RFX3: variants seen among roughly 807,000 people sequenced by gnomAD.
RFX3 encodes regulatory factor X3.
In RFX3, 14 loss-of-function variants were observed where a neutral mutation model predicts 98.6. That is an observed-to-expected ratio of 0.14 (90% CI 0.09 to 0.22). RFX3 has a LOEUF of 0.22. Ranked by LOEUF, RFX3 falls within the 10% of genes least tolerant of loss-of-function variation. The pLI is 1.00. For synonymous variants in RFX3, 383 were observed against 328.4 expected, an observed-to-expected ratio of 1.17 and a Z score of -1.80; for missense variants, 639 against 926.9, an observed-to-expected ratio of 0.69 and a Z score of 4.03.
chr9:3,247,658 A>G (rs1205226277), intron 15 of RFX3: 2 of 1,418,074 alleles, frequency 1.4e-6, no homozygotes, highest in Non-Finnish European at 1.8e-6. Context: ...AGAGTCTACA[A>G]AATACATATT....
At chr9:3,227,897 C>A (rs1016176069) in intron 16 of RFX3, among the ~76,000 whole-genome samples, 2 of 152,244 alleles carry the variant, frequency 1.3e-5, no homozygotes, top group East Asian at 1.9e-4. Flanking sequence ...TGGCGAATAG[C>A]GCCGAACCTC....
chr9:3,228,296 T>G (rs1167108183), intron 16 of RFX3, among the ~76,000 whole-genome samples: 1 of 152,200 alleles, frequency 6.6e-6, no homozygotes, highest in Non-Finnish European at 1.5e-5. Flanking sequence ...CAGAAATATA[T>G]ATCATGTTAT....
chr9:3,261,952 GC>G (rs1193322936), intron 13 of RFX3, among the ~76,000 whole-genome samples: 2 of 151,950 alleles, frequency 1.3e-5, no homozygotes, highest in Non-Finnish European at 2.9e-5. Flanking sequence ...TGTTTTCTTT[GC>G]GGAAATGTCT....
intron 16 of RFX3, among the ~76,000 whole-genome samples, chr9:3,225,633 G>C (rs1817677356): frequency 6.6e-6 from 1 of 152,050 alleles, no homozygotes; most frequent in Non-Finnish European, 1.5e-5. Flanking sequence ...TGTTATGCTG[G>C]CTTTTGGGGA....
intron 1 of RFX3, among the ~76,000 whole-genome samples, chr9:3,510,048 G>C (rs1168447646): frequency 6.6e-6 from 1 of 151,890 alleles, no homozygotes; most frequent in Admixed American, 6.6e-5. Context: ...CTGTATATTT[G>C]GGCCATTTGG....
At chr9:3,356,425 G>C (rs950740932) in intron 2 of RFX3, among the ~76,000 whole-genome samples, 3 of 151,748 alleles carry the variant, frequency 2.0e-5, no homozygotes, top group African/African-American at 7.2e-5. Flanking sequence ...GTTTATAAAA[G>C]GCCTAAATGA....
chr9:3,434,285 C>T (rs758059798), intron 1 of RFX3, among the ~76,000 whole-genome samples: 4 of 152,208 alleles, frequency 2.6e-5, no homozygotes, highest in South Asian at 2.1e-4. Flanking sequence ...TGAACAAATA[C>T]GCTTCTAACA....
At chr9:3,452,998 CCTCT>C (rs1438281665) in intron 1 of RFX3, among the ~76,000 whole-genome samples, 1 of 152,078 alleles carries the variant, frequency 6.6e-6, no homozygotes, top group Non-Finnish European at 1.5e-5. Context: ...GGAACATAGC[CCTCT>C]CTATTTACTA....
intron 1 of RFX3, among the ~76,000 whole-genome samples, chr9:3,499,553 G>A (rs189056786): frequency 5.3e-5 from 8 of 152,086 alleles, no homozygotes; most frequent in African/African-American, 1.7e-4. Flanking sequence ...ATGTAAATGA[G>A]AAGAAAAGCA....
intron 2 of RFX3, among the ~76,000 whole-genome samples, chr9:3,380,177 T>C (rs1252577583): frequency 6.6e-6 from 1 of 152,130 alleles, no homozygotes; most frequent in Non-Finnish European, 1.5e-5. Flanking sequence ...TCCACCAGCC[T>C]CAGCCTCCCA....
chr9:3,418,639 C>T (rs1843183518), intron 1 of RFX3, among the ~76,000 whole-genome samples: 1 of 152,168 alleles, frequency 6.6e-6, no homozygotes, highest in South Asian at 2.1e-4. Flanking sequence ...CTTGGCCTCC[C>T]AAAGTGCTGG....
chr9:3,232,348 G>A (rs1234053288), intron 15 of RFX3, among the ~76,000 whole-genome samples: 3 of 152,234 alleles, frequency 2.0e-5, no homozygotes, highest in South Asian at 2.1e-4. Flanking sequence ...TTGCTTCCCT[G>A]AAGCTTTCCT....
At chr9:3,321,269 T>C (rs1831280853) in intron 4 of RFX3, among the ~76,000 whole-genome samples, 2 of 152,162 alleles carry the variant, frequency 1.3e-5, no homozygotes, top group South Asian at 4.1e-4. Flanking sequence ...TTCATATACA[T>C]AACAGTATTA....
intron 7 of RFX3, among the ~76,000 whole-genome samples, chr9:3,279,226 A>C (rs541611619): frequency 1.3e-5 from 2 of 151,834 alleles, no homozygotes; most frequent in South Asian, 4.1e-4. Flanking sequence ...TTGTTCAGGA[A>C]AGTTTCTTTT....
At chr9:3,353,777 C>T (rs1011148766) in intron 2 of RFX3, among the ~76,000 whole-genome samples, 2 of 151,944 alleles carry the variant, frequency 1.3e-5, no homozygotes, top group Admixed American at 6.6e-5. Context: ...TAATGCCTAG[C>T]ATATAATAAA....
intron 7 of RFX3, among the ~76,000 whole-genome samples, chr9:3,284,711 A>G (rs1747966421): frequency 6.6e-6 from 1 of 151,754 alleles, no homozygotes; most frequent in Non-Finnish European, 1.5e-5. Context: ...GACCCTGTCT[A>G]CTTGTATTTC....
intron 2 of RFX3, among the ~76,000 whole-genome samples, chr9:3,365,236 G>A (rs543764765): frequency 1.5e-4 from 23 of 148,930 alleles, no homozygotes; most frequent in African/African-American, 5.2e-4. Flanking sequence ...GGAAGTGGAG[G>A]TTGCAGTGAG....
chr9:3,309,029 C>T (rs372126130), intron 4 of RFX3, among the ~76,000 whole-genome samples: 1 of 152,100 alleles, frequency 6.6e-6, no homozygotes, highest in Non-Finnish European at 1.5e-5. Context: ...CAAAGTAGTA[C>T]GGTCACAAAT....
chr9:3,433,099 A>G (rs1844797561), intron 1 of RFX3, among the ~76,000 whole-genome samples: 1 of 152,108 alleles, frequency 6.6e-6, no homozygotes. Flanking sequence ...GGCCCCATAC[A>G]TGTGGGTTGT....
Sources: allele counts gnomAD v4.1 joint callset (sites outside exome capture counted in the v4.1 genomes callset), GRCh38; gene constraint gnomAD v4.1.1; transcripts MANE v1.5; gene names NCBI Gene and HGNC (gene_info 2026-07-23, HGNC 2026-07-21).